CNTNAP5: variants seen among roughly 807,000 people sequenced by gnomAD.
CNTNAP5 encodes contactin associated protein family member 5, also known as contactin-associated protein-like 5.
Under a neutral mutation model 150.2 loss-of-function variants are expected in CNTNAP5, and 72 were observed. That is an observed-to-expected ratio of 0.48 (90% CI 0.40 to 0.58). The LOEUF is 0.58. CNTNAP5 is among the 20% of genes least tolerant of loss of function. CNTNAP5 has a pLI of 0.00. For missense variants in CNTNAP5, 1,636 were observed against 1,626.2 expected (o/e 1.01, Z -0.10); for synonymous variants, 672 against 619.8 (o/e 1.08, Z -1.25).
At chr2:124,648,007 AC>A in intron 13 of CNTNAP5, 49 bp downstream of exon 13, 1 of 1,520,438 alleles carries the variant, frequency 6.6e-7, no homozygotes, top group African/African-American at 1.4e-5. Flanking sequence ...GGACCCTCAG[AC>A]CTGGAGTATT....
intron 3 of CNTNAP5, among the ~76,000 whole-genome samples, chr2:124,253,047 T>G (rs1470685795): frequency 6.6e-6 from 1 of 151,628 alleles, no homozygotes; most frequent in Non-Finnish European, 1.5e-5. Context: ...ATACTTAAAT[T>G]ATATGTTTTT....
At chr2:124,713,318 C>CTT in intron 13 of CNTNAP5, among the ~76,000 whole-genome samples, 1 of 43,966 alleles carries the variant, frequency 2.3e-5, no homozygotes, top group East Asian at 8.5e-4. Context: ...CTCTTTCTTT[C>CTT]CTTTCTTTCT....
At chr2:124,107,592 G>A (rs1482452997) in intron 1 of CNTNAP5, among the ~76,000 whole-genome samples, 1 of 152,202 alleles carries the variant, frequency 6.6e-6, no homozygotes, top group Non-Finnish European at 1.5e-5. Context: ...GTAGTAGAAA[G>A]TTATGCTTTT....
intron 21 of CNTNAP5, among the ~76,000 whole-genome samples, chr2:124,888,470 G>T (rs1264447382): frequency 6.6e-6 from 1 of 152,000 alleles, no homozygotes; most frequent in African/African-American, 2.4e-5. Context: ...ACCTAGTAAT[G>T]GGATTGCTGT....
At chr2:124,891,509 T>C (rs1045804187) in intron 21 of CNTNAP5, among the ~76,000 whole-genome samples, 1 of 152,120 alleles carries the variant, frequency 6.6e-6, no homozygotes, top group Admixed American at 6.6e-5. Context: ...ATGCAGGCAC[T>C]ATATTCATCC....
At chr2:124,352,541 T>C (rs1317602662) in intron 3 of CNTNAP5, among the ~76,000 whole-genome samples, 1 of 152,186 alleles carries the variant, frequency 6.6e-6, no homozygotes, top group African/African-American at 2.4e-5. Flanking sequence ...CATCTGCCAC[T>C]TTCTAGCTGT....
In CNTNAP5 at chr2:124,445,259, T is replaced by C. The variant is rs926843818; in HGVS notation, c.734-1494T>C. 3.3e-5 allele frequency among the ~76,000 whole-genome samples: 5 copies of C among 151,686 alleles called. No homozygotes were observed. The East Asian group carries it at 9.8e-4, about 30-fold the overall frequency. ...CGCCCATCACCTTGCCTGGCTAATT[T>C]TTTTTTTTCTGTATTTTTAGTAGAG... is the stretch of plus-strand genomic sequence containing the variant. On this transcript the variant is annotated intron_variant, in intron 5 of 23. Transcript: ENST00000682447.
chr2:124,808,317 T>C lies in CNTNAP5; in HGVS notation c.3217+9997T>C, dbSNP rs184546801. ...CTTCTTAAACTCCTTCAAAATGACA[T>C]AAAGCAGGCCAGGCACGGTGGCTCA... On this transcript the variant is annotated intron_variant, in intron 19 of 23. Transcript: ENST00000682447. 2.4e-3 allele frequency among the ~76,000 whole-genome samples: 364 copies of C among 152,244 alleles called. 1 individual carries two copies. The East Asian group carries it at 0.024, about 10-fold the overall frequency.
At chr2:124,605,832 AAG>A (rs1464183254) in intron 11 of CNTNAP5, among the ~76,000 whole-genome samples, 9,281 of 70,778 alleles carry the variant, frequency 0.13, 669 homozygotes, top group Non-Finnish European at 0.19. Context: ...AAAAAAAAAA[AAG>A]AAGGAAAGAA....
chr2:124,510,458 A>G (rs1385005174), intron 8 of CNTNAP5, among the ~76,000 whole-genome samples: 1 of 136,648 alleles, frequency 7.3e-6, no homozygotes. Flanking sequence ...ACAAACAAAA[A>G]AGTAAATTTT....
At chr2:124,591,663 T>C (rs1696686483) in intron 11 of CNTNAP5, among the ~76,000 whole-genome samples, 1 of 152,168 alleles carries the variant, frequency 6.6e-6, no homozygotes, top group Non-Finnish European at 1.5e-5. Flanking sequence ...GGAGCCACCC[T>C]GCACTCATAT....
chr2:124,030,040 T>C (rs1681002243), intron 1 of CNTNAP5, among the ~76,000 whole-genome samples: 1 of 152,140 alleles, frequency 6.6e-6, no homozygotes, highest in African/African-American at 2.4e-5. Flanking sequence ...ATCAAAACTC[T>C]GCCACTTTCT....
chr2:124,704,597 T>C lies in CNTNAP5; in HGVS notation c.2078-42632T>C, dbSNP rs150174497. Among the ~76,000 whole-genome samples, 343 of 152,332 alleles carry C rather than the reference T, an allele frequency of 2.3e-3. 1 individual carries two copies. The highest frequency in any genetic ancestry group is 0.01 in the Middle Eastern group (3 of 294). ...AATTGATGAGACAGAGTACTTCTTATATGTTTAATGTTATATCAACTCTTT... is the reference window on the plus strand; with the variant it reads ...AATTGATGAGACAGAGTACTTCTTACATGTTTAATGTTATATCAACTCTTT... On this transcript the variant is annotated intron_variant, in intron 13 of 23. Transcript: ENST00000682447.
intron 21 of CNTNAP5, among the ~76,000 whole-genome samples, chr2:124,873,490 C>T (rs971922937): frequency 2.6e-5 from 4 of 152,068 alleles, no homozygotes; most frequent in African/African-American, 7.2e-5. Context: ...TTTGAACTGC[C>T]GTTGAACAGA....
At chr2:124,461,693 TA>T (rs1205220732) in intron 6 of CNTNAP5, among the ~76,000 whole-genome samples, 1 of 150,890 alleles carries the variant, frequency 6.6e-6, no homozygotes, top group African/African-American at 2.4e-5. Context: ...AAATAAACAA[TA>T]AAAAATACAA....
In CNTNAP5 at chr2:124,597,390, C is replaced by A. The variant is rs985439592; in HGVS notation, c.1757-12411C>A. Among the ~76,000 whole-genome samples, 904 of 149,474 alleles carry A rather than the reference C, an allele frequency of 6.0e-3. 6 individuals carry two copies. The highest frequency in any genetic ancestry group is 0.028 in the Middle Eastern group (8 of 290). ...TTGTCTGTGAAGTATTTTATTTCTC[C>A]TTCACTTATGAAGCTTAGTTTGGCT... On this transcript the variant is annotated intron_variant, in intron 11 of 23. Transcript: ENST00000682447.
intron 1 of CNTNAP5, among the ~76,000 whole-genome samples, chr2:124,134,125 T>C (rs1683922670): frequency 6.6e-6 from 1 of 152,172 alleles, no homozygotes; most frequent in African/African-American, 2.4e-5. Flanking sequence ...CCAATTCTGG[T>C]GTCACTCATT....
intron 3 of CNTNAP5, among the ~76,000 whole-genome samples, chr2:124,254,964 C>T (rs966901259): frequency 1.3e-5 from 2 of 152,070 alleles, no homozygotes; most frequent in African/African-American, 2.4e-5. Context: ...CCCATATAAG[C>T]GAACATTTTG....
intron 10 of CNTNAP5, among the ~76,000 whole-genome samples, chr2:124,534,764 C>T (rs1489852275): frequency 6.6e-6 from 1 of 152,150 alleles, no homozygotes; most frequent in Non-Finnish European, 1.5e-5. Context: ...GCAGAGATCA[C>T]TTTCATCTTG....
Sources: gnomAD v4.1 joint callset for allele counts (sites outside exome capture counted in the v4.1 genomes callset) on GRCh38, gnomAD v4.1.1 for gene constraint, MANE v1.5 for transcripts, NCBI Gene and HGNC (gene_info 2026-07-23, HGNC 2026-07-21) for gene names.